The following PHF24 variants were observed in gnomAD, a reference collection of about 807,000 sequenced individuals.
The protein encoded by PHF24 is PHD finger protein 24.
A neutral mutation model predicts 42.6 loss-of-function variants in PHF24; 25 were observed. The ratio of observed to expected loss-of-function variants is 0.59; its 90% confidence interval spans 0.43 to 0.82. The LOEUF is 0.82. Ranked by LOEUF, PHF24 falls within the 40% of genes least tolerant of loss-of-function variation. The pLI is 0.00. For missense variants in PHF24, 470 were observed against 538.1 expected (o/e 0.87, Z 1.25); for synonymous variants, 185 against 204.8 (o/e 0.90, Z 0.83).
chr9:34,752,221 A>G, the PHF24 span, among the ~76,000 whole-genome samples: 1 of 152,146 alleles, frequency 6.6e-6, no homozygotes, highest in Non-Finnish European at 1.5e-5. Flanking sequence ...AGTGAAATTG[A>G]AATGTAAAAA....
At chr9:34,731,696 A>G in the PHF24 span, among the ~76,000 whole-genome samples, 14,300 of 152,118 alleles carry the variant, frequency 0.094, 1,674 homozygotes, top group African/African-American at 0.27. Context: ...TTATCCATTC[A>G]TCTGTTGATG....
At chr9:34,853,602 G>A in the PHF24 span, among the ~76,000 whole-genome samples, 1 of 151,590 alleles carries the variant, frequency 6.6e-6, no homozygotes, top group African/African-American at 2.4e-5. Flanking sequence ...GCCGAGGTGG[G>A]CGGATCACGA....
rs1394167477 is a variant in PHF24 at position 34,965,069 on chromosome 9, AT to A, written c.-4-6224del. On this transcript the variant is annotated intron_variant, in intron 1 of 7. Transcript: ENST00000242315. Reference sequence around the variant, plus strand: ...TAACTCTCTCTTTTTCCTAGGACTTATTCCAGCACAGGAGAGGCCAGGTTTT... The same window carrying A: ...TAACTCTCTCTTTTTCCTAGGACTTATCCAGCACAGGAGAGGCCAGGTTTT... 3.3e-5 allele frequency among the ~76,000 whole-genome samples: 5 copies of A among 152,274 alleles called. No individual in the cohort carries two copies. In the East Asian group the frequency reaches 9.6e-4, roughly 29 times the overall value.
chr9:34,676,548 T>C, the PHF24 span, among the ~76,000 whole-genome samples: 5 of 152,190 alleles, frequency 3.3e-5, no homozygotes, highest in African/African-American at 1.2e-4. Context: ...ACAGATCTAC[T>C]TCTGGGTTCC....
chr9:34,959,232 A>AT (rs1200893233), intron 1 of PHF24, among the ~76,000 whole-genome samples: 2 of 152,228 alleles, frequency 1.3e-5, no homozygotes, highest in African/African-American at 4.8e-5. Context: ...ATCAGGTGGA[A>AT]TAACTGACTT....
the PHF24 span, among the ~76,000 whole-genome samples, chr9:34,883,262 T>C: frequency 6.6e-6 from 1 of 152,118 alleles, no homozygotes; most frequent in Non-Finnish European, 1.5e-5. Context: ...ATAAAAACCC[T>C]AGAAGAAAAC....
chr9:34,742,942 ATG>A, the PHF24 span, among the ~76,000 whole-genome samples: 3 of 151,444 alleles, frequency 2.0e-5, no homozygotes, highest in African/African-American at 4.9e-5. Flanking sequence ...CCATTTGTTG[ATG>A]TATTGTCTGT....
chr9:34,795,971 C>T, the PHF24 span, among the ~76,000 whole-genome samples: 1 of 150,980 alleles, frequency 6.6e-6, no homozygotes, highest in Admixed American at 6.6e-5. Context: ...CACTGCATTC[C>T]AGGCTGGGTG....
the PHF24 span, among the ~76,000 whole-genome samples, chr9:34,916,989 A>G: frequency 6.6e-6 from 1 of 152,236 alleles, no homozygotes; most frequent in African/African-American, 2.4e-5. Context: ...TGAGTAAAAA[A>G]CTTAGAAACT....
At chr9:34,832,641 C>T in the PHF24 span, 17 of 1,540,324 alleles carry the variant, frequency 1.1e-5, no homozygotes, top group African/African-American at 4.1e-5. Flanking sequence ...GGGGTTAATA[C>T]ACTCCAGAAA....
chr9:34,909,843 G>C, the PHF24 span, among the ~76,000 whole-genome samples: 166 of 152,206 alleles, frequency 1.1e-3, no homozygotes, highest in East Asian at 2.9e-3. Context: ...AGGATGGTCT[G>C]GATCTCATCT....
At chr9:34,868,588 A>G in the PHF24 span, among the ~76,000 whole-genome samples, 2,210 of 152,320 alleles carry the variant, frequency 0.015, 52 homozygotes, top group African/African-American at 0.051. Flanking sequence ...AATCAAATGA[A>G]AGCAAAGGCT....
the PHF24 span, among the ~76,000 whole-genome samples, chr9:34,869,706 A>T: frequency 2.0e-5 from 3 of 152,192 alleles, no homozygotes; most frequent in African/African-American, 7.2e-5. Flanking sequence ...ACATCTAGAG[A>T]GGTTTTTTTG....
the PHF24 span, among the ~76,000 whole-genome samples, chr9:34,937,935 A>G: frequency 6.6e-6 from 1 of 152,222 alleles, no homozygotes; most frequent in East Asian, 1.9e-4. Context: ...GGAATCTAAC[A>G]AAAGCCCTGT....
At chr9:34,890,709 A>C in the PHF24 span, among the ~76,000 whole-genome samples, 1 of 152,186 alleles carries the variant, frequency 6.6e-6, no homozygotes. Flanking sequence ...GGGATGGTGA[A>C]AATTTGTTCC....
exon 8 of PHF24, chr9:34,982,391 G>C (rs1319160625): frequency 1.3e-5 from 2 of 152,270 alleles, no homozygotes; most frequent in Non-Finnish European, 2.9e-5. Flanking sequence ...AAGGTAACTT[G>C]ACAGCAAGCT....
chr9:34,878,198 A>G, the PHF24 span, among the ~76,000 whole-genome samples: 8 of 152,278 alleles, frequency 5.3e-5, no homozygotes, highest in South Asian at 2.1e-4. Context: ...ACTCCACTCA[A>G]TTTTTCTGCA....
At chr9:34,746,389 G>C in the PHF24 span, among the ~76,000 whole-genome samples, 1 of 152,156 alleles carries the variant, frequency 6.6e-6, no homozygotes, top group Non-Finnish European at 1.5e-5. Flanking sequence ...TTTCATTTAT[G>C]AACATAGATA....
the PHF24 span, among the ~76,000 whole-genome samples, chr9:34,761,665 C>T: frequency 1.3e-5 from 2 of 152,042 alleles, no homozygotes; most frequent in South Asian, 4.2e-4. Flanking sequence ...GAGAGCCCTA[C>T]TCATACTCTT....
Sources: gnomAD v4.1 joint callset for allele counts (sites outside exome capture counted in the v4.1 genomes callset) on GRCh38, gnomAD v4.1.1 for gene constraint, MANE v1.5 for transcripts, NCBI Gene and HGNC (gene_info 2026-07-23, HGNC 2026-07-21) for gene names.